Variants in FARP1 observed in about 807,000 individuals in gnomAD.
FARP1 encodes FERM, ARHGEF and pleckstrin domain-containing protein 1.
A neutral mutation model predicts 128.8 loss-of-function variants in FARP1; 52 were observed. That is an observed-to-expected ratio of 0.40 (90% CI 0.32 to 0.51). FARP1 has a LOEUF of 0.51. FARP1 is among the 20% of genes least tolerant of loss of function. FARP1 has a pLI of 0.45. For synonymous variants in FARP1, 580 were observed against 551.8 expected, an observed-to-expected ratio of 1.05 and a Z score of -0.72; for missense variants, 1,333 against 1,367.9, an observed-to-expected ratio of 0.97 and a Z score of 0.40.
chr13:98,292,879 A>G (rs1202676452), intron 2 of FARP1, among the ~76,000 whole-genome samples: 1 of 152,172 alleles, frequency 6.6e-6, no homozygotes, highest in Non-Finnish European at 1.5e-5. Context: ...CTGGTCTAGG[A>G]CAGTAACAGT....
rs77574513 is a variant in FARP1, at chr13:98,286,443, C to T, written c.172-57319C>T. ...TAATTGAATCACAGGAGTGGTCTCT[C>T]CCATACTGTTCTCATGGTAGTGAGT... On this transcript the variant is annotated intron_variant, in intron 2 of 26. Transcript: ENST00000319562. Among the ~76,000 whole-genome samples the T allele has an allele frequency of 2.1e-4, 32 of 152,300 alleles. 1 individual carries two copies. In the East Asian group the frequency reaches 6.2e-3, roughly 29 times the overall value.
intron 13 of FARP1, chr13:98,398,752 A>G (rs1416656242): frequency 6.6e-6 from 1 of 152,204 alleles, no homozygotes; most frequent in Non-Finnish European, 1.5e-5. Context: ...AGTGTGAGTT[A>G]AACAGAGCCA....
At chr13:98,178,299 A>G (rs1878251171) in intron 1 of FARP1, among the ~76,000 whole-genome samples, 1 of 147,952 alleles carries the variant, frequency 6.8e-6, no homozygotes, top group Non-Finnish European at 1.5e-5. Flanking sequence ...GGGTTCAAGC[A>G]ATTCTCCTGC....
At chr13:98,425,209 A>G (rs1223063443) in intron 17 of FARP1, among the ~76,000 whole-genome samples, 2 of 152,152 alleles carry the variant, frequency 1.3e-5, no homozygotes, top group Non-Finnish European at 1.5e-5. Flanking sequence ...AACTTCAAAA[A>G]AAAAAAAGAT....
chr13:98,242,241 G>A (rs1029438333), intron 2 of FARP1, among the ~76,000 whole-genome samples: 31 of 152,104 alleles, frequency 2.0e-4, no homozygotes, highest in African/African-American at 7.2e-4. Flanking sequence ...CCCCTCCCTC[G>A]AGGCCGTAGG....
At chr13:98,213,147 G>T in intron 1 of FARP1, 73 bp from the exon 2 acceptor site, 2 of 1,296,550 alleles carry the variant, frequency 1.5e-6, no homozygotes, top group Non-Finnish European at 2.1e-6. Flanking sequence ...CCTGGGTGGG[G>T]TTCAAGGTGG....
intron 13 of FARP1, chr13:98,396,087 C>T (rs1566289326): frequency 1.5e-5 from 6 of 399,012 alleles, no homozygotes; most frequent in Non-Finnish European, 2.7e-5. Context: ...CAGATCCACT[C>T]ATCCTTAGCC....
At chr13:98,324,521 G>C (rs1386678640) in intron 2 of FARP1, among the ~76,000 whole-genome samples, 1 of 152,106 alleles carries the variant, frequency 6.6e-6, no homozygotes, top group Non-Finnish European at 1.5e-5. Flanking sequence ...GATATTTTCT[G>C]GAAAGAGTTT....
chr13:98,263,864 C>A (rs11618205), intron 2 of FARP1, among the ~76,000 whole-genome samples: 6,486 of 152,274 alleles, frequency 0.043, 183 homozygotes, highest in Non-Finnish European at 0.068. Flanking sequence ...GTGCTCCCCC[C>A]CCAACAACAT....
chr13:98,394,295 TG>T (rs1890426369), intron 12 of FARP1, among the ~76,000 whole-genome samples: 1 of 152,192 alleles, frequency 6.6e-6, no homozygotes, highest in Non-Finnish European at 1.5e-5. Context: ...AAAAGAAACT[TG>T]GGGAAGAATA....
chr13:98,409,252 T>G, intron 13 of FARP1, 86 bp from the exon 14 acceptor site: 1 of 1,093,062 alleles, frequency 9.1e-7, no homozygotes, highest in Non-Finnish European at 1.3e-6. Context: ...ATCTTACGAT[T>G]TGAAAAAGGT....
intron 24 of FARP1, among the ~76,000 whole-genome samples, chr13:98,442,704 C>T (rs572948643): frequency 2.0e-4 from 30 of 152,314 alleles, no homozygotes; most frequent in Non-Finnish European, 3.7e-4. Context: ...AGGAGACCCC[C>T]GAAGCGGAGG....
intron 3 of FARP1, among the ~76,000 whole-genome samples, chr13:98,357,485 T>C (rs1888688097): frequency 6.6e-6 from 1 of 152,232 alleles, no homozygotes; most frequent in Non-Finnish European, 1.5e-5. Context: ...TTGTTAGGTC[T>C]TCAAGTTTAG....
intron 1 of FARP1, among the ~76,000 whole-genome samples, chr13:98,151,684 C>T (rs1237100746): frequency 2.0e-3 from 16 of 7,818 alleles, no homozygotes; most frequent in Admixed American, 0.017. Flanking sequence ...TTTTTTGAGA[C>T]GGAGTCTTGC....
At chr13:98,153,739 T>C (rs1219791261) in intron 1 of FARP1, among the ~76,000 whole-genome samples, 1 of 151,544 alleles carries the variant, frequency 6.6e-6, no homozygotes, top group Non-Finnish European at 1.5e-5. Flanking sequence ...AATTTTTGTA[T>C]TTTTAGTAGA....
At chr13:98,335,154 A>G (rs1192208473) in intron 2 of FARP1, among the ~76,000 whole-genome samples, 3 of 152,224 alleles carry the variant, frequency 2.0e-5, no homozygotes, top group African/African-American at 7.2e-5. Context: ...TTCCTCTAAC[A>G]TGCCACTTAC....
chr13:98,371,491 A>G (rs1194817634), intron 5 of FARP1, among the ~76,000 whole-genome samples: 1 of 152,064 alleles, frequency 6.6e-6, no homozygotes, highest in African/African-American at 2.4e-5. Context: ...ACTGACATTT[A>G]AGAAGTCTTT....
chr13:98,428,499 C>A (rs1891873655), intron 17 of FARP1, among the ~76,000 whole-genome samples: 1 of 152,202 alleles, frequency 6.6e-6, no homozygotes, highest in Non-Finnish European at 1.5e-5. Flanking sequence ...TTCCAACCCA[C>A]TACTTATATG....
intron 2 of FARP1, among the ~76,000 whole-genome samples, chr13:98,217,112 A>G (rs763245723): frequency 2.6e-5 from 4 of 152,182 alleles, no homozygotes; most frequent in South Asian, 4.1e-4. Flanking sequence ...CACAGTTCCC[A>G]CTGACATTAG....
Sources: gnomAD v4.1 joint callset for allele counts (sites outside exome capture counted in the v4.1 genomes callset) on GRCh38, gnomAD v4.1.1 for gene constraint, MANE v1.5 for transcripts, NCBI Gene and HGNC (gene_info 2026-07-23, HGNC 2026-07-21) for gene names.